AKAP13: variants seen among roughly 807,000 people sequenced by gnomAD.
AKAP13 encodes A-kinase anchoring protein 13.
A neutral mutation model predicts 264.5 loss-of-function variants in AKAP13; 80 were observed. The observed-to-expected ratio is 0.30, with a 90% CI of 0.25 to 0.36. The LOEUF (loss-of-function observed/expected upper bound fraction) is 0.36, where lower values mean the gene tolerates loss of function less well. AKAP13 is among the 10% of genes least tolerant of loss of function. The pLI, the probability that AKAP13 is intolerant of heterozygous loss-of-function variation, is 1.00. For missense variants in AKAP13, 3,712 were observed against 3,435.2 expected (o/e 1.08, Z -2.01); for synonymous variants, 1,380 against 1,250.2 (o/e 1.10, Z -2.19).
intron 1 of AKAP13, among the ~76,000 whole-genome samples, chr15:85,465,764 T>G (rs2074714003): frequency 6.6e-6 from 1 of 151,246 alleles, no homozygotes; most frequent in Non-Finnish European, 1.5e-5. Context: ...GTTGGACATT[T>G]CGGTTGGTTC....
chr15:85,530,104 C>G (rs1035160447), intron 3 of AKAP13, among the ~76,000 whole-genome samples: 1 of 152,174 alleles, frequency 6.6e-6, no homozygotes, highest in Admixed American at 6.5e-5. Flanking sequence ...CATTCACCTG[C>G]TAACAAACTC....
chr15:85,744,637 C>T lies in AKAP13; in HGVS notation c.8402C>T (p.Ala2801Val), dbSNP rs371578263. 38 of 1,613,676 alleles carry T rather than the reference C, an allele frequency of 2.4e-5. No individual in the cohort carries two copies. In the Admixed American group the frequency reaches 2.5e-4, roughly 11 times the overall value. Residue 2801 changes from alanine (A) to valine (V), a missense_variant, in exon 37 of 37, where the codon GCG becomes GTG. By Grantham distance (64) the Ala-to-Val change is moderately conservative. Transcript: ENST00000394518. ...GTTTTCACATTTCCAGATGGTCCCG[C>T]GTCAGAAGTATCAGCAGAGGGTGAA... ...TSRSQPGDGP[A>V]SEVSAEGEEI...
At position 85,722,223 on chromosome 15, in the gene AKAP13, C is replaced by T. The variant is rs766879528; in HGVS notation, c.6379-7C>T. 24 of 1,612,074 alleles carry T rather than the reference C, an allele frequency of 1.5e-5. No individual in the cohort carries two copies. The highest frequency in any genetic ancestry group is 1.8e-5 in the Non-Finnish European group (21 of 1,178,984). On this transcript the variant is annotated splice_polypyrimidine_tract_variant and splice_region_variant and intron_variant, in intron 24 of 36. Transcript: ENST00000394518. ...TGATTCCTCACAGTCTGTTTACTCCCTTGCAGAAGAAGATGAGCAGTTCAG... is the reference window on the plus strand; with the variant it reads ...TGATTCCTCACAGTCTGTTTACTCCTTTGCAGAAGAAGATGAGCAGTTCAG...
chr15:85,440,771 G>A (rs535450564), intron 1 of AKAP13, among the ~76,000 whole-genome samples: 1 of 152,178 alleles, frequency 6.6e-6, no homozygotes, highest in Non-Finnish European at 1.5e-5. Flanking sequence ...GCAGTTTGAA[G>A]AAGTTTACTT....
At chr15:85,604,213 A>G (rs1454708014) in intron 8 of AKAP13, among the ~76,000 whole-genome samples, 1 of 152,214 alleles carries the variant, frequency 6.6e-6, no homozygotes, top group Non-Finnish European at 1.5e-5. Context: ...AAAAATAACT[A>G]TTTCCTATTT....
chr15:85,579,905 G>GTCACCCTT lies in AKAP13; in HGVS notation c.1837_1838insTCACCCTT (p.Glu613ValfsTer11). The GTCACCCTT allele has an allele frequency of 1.9e-6, 3 of 1,614,214 alleles. No homozygotes were observed. The highest frequency in any genetic ancestry group is 3.3e-4 in the Middle Eastern group (2 of 6,062). On this transcript the variant is annotated frameshift_variant, in exon 7 of 37. Transcript: ENST00000394518. LOFTEE classifies it high-confidence loss of function. Reference sequence around the variant, plus strand: ...TACTCTCTTAGCAGCAGGCATAGGTGAGGCAATGTCACCCTCAGATTTAGC... The same window carrying GTCACCCTT: ...TACTCTCTTAGCAGCAGGCATAGGTGTCACCCTTAGGCAATGTCACCCTCAGATTTAGC...
chr15:85,519,305 C>T (rs914058065), intron 2 of AKAP13, among the ~76,000 whole-genome samples: 7 of 151,962 alleles, frequency 4.6e-5, no homozygotes, highest in African/African-American at 1.7e-4. Flanking sequence ...ATTAAAAGGC[C>T]TTCTTTCTTC....
At chr15:85,629,576 T>C (rs571791449) in intron 8 of AKAP13, among the ~76,000 whole-genome samples, 1 of 152,210 alleles carries the variant, frequency 6.6e-6, no homozygotes, top group South Asian at 2.1e-4. Flanking sequence ...TTTGAGCAGA[T>C]AAAGCTATAA....
rs954178978 is a variant in AKAP13, at chr15:85,581,861, G to A, written c.3793G>A (p.Ala1265Thr). Reference sequence around the variant, plus strand: ...GGATGCTGTCATCGAACAAGTCAAGGCCGCTGGAGCACTGCTTACTGAGGG... The same window carrying A: ...GGATGCTGTCATCGAACAAGTCAAGACCGCTGGAGCACTGCTTACTGAGGG... ...IVDAVIEQVKAAGALLTEGEA... is the reference protein window; with the variant it reads ...IVDAVIEQVKTAGALLTEGEA... The change falls in exon 7 of 37, where the codon GCC (alanine) becomes ACC (threonine). Residue 1265 changes from alanine to threonine, a missense_variant. Ala to Thr is a moderately conservative substitution (Grantham distance 58). Coordinates refer to ENST00000394518, the MANE Select transcript of AKAP13 (RefSeq NM_007200.5). 5 of 1,614,060 alleles carry A rather than the reference G, an allele frequency of 3.1e-6. No individual in the cohort carries two copies. Among genetic ancestry groups the A allele is most frequent in the African/African-American group, 2.7e-5 (2 of 74,936 alleles).
At chr15:85,627,526 G>A (rs1476925597) in intron 8 of AKAP13, 1 of 152,114 alleles carries the variant, frequency 6.6e-6, no homozygotes, top group East Asian at 1.9e-4. Flanking sequence ...TACACATCTA[G>A]AGTTATTGGC....
chr15:85,691,307 T>A (rs2085272223), intron 16 of AKAP13, among the ~76,000 whole-genome samples: 1 of 152,234 alleles, frequency 6.6e-6, no homozygotes, highest in Non-Finnish European at 1.5e-5. Context: ...GCCAGCCAAG[T>A]ACTCTGCCAA....
intron 16 of AKAP13, 140 bp from the exon 17 acceptor site, chr15:85,693,137 A>C (rs2085383394): frequency 7.4e-7 from 1 of 1,350,802 alleles, no homozygotes; most frequent in Non-Finnish European, 9.5e-7. Flanking sequence ...AAAACAAAAC[A>C]CTTTGCCCAG....
At chr15:85,610,956 G>T (rs970227923) in intron 8 of AKAP13, among the ~76,000 whole-genome samples, 1 of 152,202 alleles carries the variant, frequency 6.6e-6, no homozygotes, top group African/African-American at 2.4e-5. Context: ...TCCAGCCTGG[G>T]CAACAAGAGC....
At chr15:85,607,248 G>A (rs2080393486) in intron 8 of AKAP13, among the ~76,000 whole-genome samples, 1 of 151,928 alleles carries the variant, frequency 6.6e-6, no homozygotes, top group Non-Finnish European at 1.5e-5. Context: ...TTTTCCCTCT[G>A]CTTTCCTTTG....
intron 2 of AKAP13, among the ~76,000 whole-genome samples, chr15:85,512,625 G>C (rs924459510): frequency 6.6e-5 from 10 of 151,944 alleles, no homozygotes; most frequent in Non-Finnish European, 1.5e-4. Context: ...CTTTTTAAAG[G>C]CAAGATTTAA....
chr15:85,616,234 C>A (rs1275689084), intron 8 of AKAP13, among the ~76,000 whole-genome samples: 2 of 152,206 alleles, frequency 1.3e-5, no homozygotes, highest in African/African-American at 4.8e-5. Context: ...TGCTGTGAGA[C>A]TCCAGATGGG....
chr15:85,503,066 G>A (rs942883672), intron 2 of AKAP13, among the ~76,000 whole-genome samples: 1 of 152,150 alleles, frequency 6.6e-6, no homozygotes, highest in African/African-American at 2.4e-5. Flanking sequence ...CCTAGTGTAT[G>A]CTACGTACTT....
At chr15:85,389,943 A>G (rs140527219) in intron 1 of AKAP13, 35 of 152,346 alleles carry the variant, frequency 2.3e-4, no homozygotes, top group African/African-American at 8.2e-4. Context: ...CTTAGCATAT[A>G]TGCTTTATGT....
intron 3 of AKAP13, among the ~76,000 whole-genome samples, chr15:85,524,628 C>T (rs2076954306): frequency 6.6e-6 from 1 of 152,088 alleles, no homozygotes; most frequent in Non-Finnish European, 1.5e-5. Flanking sequence ...CAAAAGGCAG[C>T]ACTTTTTGAT....
Sources: allele counts gnomAD v4.1 joint callset (sites outside exome capture counted in the v4.1 genomes callset), GRCh38; gene constraint gnomAD v4.1.1; transcripts MANE v1.5; gene names NCBI Gene and HGNC (gene_info 2026-07-23, HGNC 2026-07-21).